Variants in LPAR6 observed in about 807,000 individuals in gnomAD.
LPAR6 encodes lysophosphatidic acid receptor 6.
A neutral mutation model predicts 22.0 loss-of-function variants in LPAR6; 17 were observed. The observed-to-expected ratio is 0.77, with a 90% CI of 0.53 to 1.16. The LOEUF (loss-of-function observed/expected upper bound fraction) is 1.16. LPAR6 is among the 50% of genes most tolerant of loss of function. The pLI is 0.00. For missense variants in LPAR6, 384 were observed against 406.9 expected (o/e 0.94, Z 0.48); for synonymous variants, 136 against 139.8 (o/e 0.97, Z 0.19).
chr13:48,441,673 T>C (rs1378561329), intron 1 of LPAR6, among the ~76,000 whole-genome samples: 1 of 152,190 alleles, frequency 6.6e-6, no homozygotes, highest in Non-Finnish European at 1.5e-5. Flanking sequence ...ATACTGTGTT[T>C]AATCATCAAG....
chr13:48,414,756 T>C (rs1458446880), upstream of LPAR6, among the ~76,000 whole-genome samples: 1 of 152,234 alleles, frequency 6.6e-6, no homozygotes. Flanking sequence ...CTGTCTGGAC[T>C]AGAAAATTCA....
At chr13:48,413,647 T>C (rs1443406126), upstream of LPAR6, among the ~76,000 whole-genome samples, 1 of 152,156 alleles carries the variant, frequency 6.6e-6, no homozygotes, top group Non-Finnish European at 1.5e-5. Flanking sequence ...TTATCCTGGG[T>C]CTCATTAGTT....
intron 1 of LPAR6, among the ~76,000 whole-genome samples, chr13:48,425,829 T>A (rs978522625): frequency 1.3e-5 from 2 of 152,226 alleles, no homozygotes; most frequent in Admixed American, 1.3e-4. Context: ...CCCCACTAAT[T>A]TTCAATGACA....
intron 1 of LPAR6, among the ~76,000 whole-genome samples, chr13:48,443,751 A>G (rs553444928): frequency 2.6e-5 from 4 of 152,140 alleles, no homozygotes; most frequent in Non-Finnish European, 4.4e-5. Flanking sequence ...TAAATTTTCC[A>G]TCTTAGGCAC....
intron 1 of LPAR6, among the ~76,000 whole-genome samples, chr13:48,424,720 A>C (rs1949055017): frequency 6.6e-6 from 1 of 152,066 alleles, no homozygotes; most frequent in East Asian, 1.9e-4. Context: ...CACAGTACTT[A>C]GTTTGCCTTT....
chr13:48,404,565 C>T (rs1433800907), intron 1 of LPAR6, among the ~76,000 whole-genome samples: 1 of 151,722 alleles, frequency 6.6e-6, no homozygotes, highest in African/African-American at 2.4e-5. Context: ...CTCGCTCTGT[C>T]GCCCAGGCTG....
chr13:48,407,030 G>A (rs1234763629), downstream of LPAR6, among the ~76,000 whole-genome samples: 2 of 152,166 alleles, frequency 1.3e-5, no homozygotes, highest in South Asian at 2.1e-4. Context: ...TGACCATCAG[G>A]CCCTTTCTGT....
At chr13:48,415,845 A>G (rs1019457767), upstream of LPAR6, 2 of 152,166 alleles carry the variant, frequency 1.3e-5, no homozygotes, top group Non-Finnish European at 1.5e-5. Flanking sequence ...TGAATACTGC[A>G]TTTTTTCCAG....
intron 1 of LPAR6, among the ~76,000 whole-genome samples, chr13:48,398,961 G>A (rs2804088): frequency 0.9 from 136,111 of 152,050 alleles, 62,253 homozygotes; most frequent in East Asian, 1. Context: ...TATTGGTCTG[G>A]CTTATTCCTC....
chr13:48,420,278 A>G (rs1948985469), intron 2 of LPAR6, among the ~76,000 whole-genome samples: 1 of 152,234 alleles, frequency 6.6e-6, no homozygotes, highest in Non-Finnish European at 1.5e-5. Context: ...AGAACCAAAG[A>G]TAAAAACCAC....
chr13:48,433,540 TAAA>T lies in LPAR6; in HGVS notation c.-1473-9424_-1473-9422del, dbSNP rs576787507. On this transcript the variant is annotated intron_variant, in intron 1 of 6. Coordinates refer to the LPAR6 transcript ENST00000378434. ...AGAATTTCTGCCACTAAATAAGTCT[TAAA>T]TAAGTATGCCACATAGGATAGACTG... Among the ~76,000 whole-genome samples, 16 of 152,290 alleles carry T rather than the reference TAAA, an allele frequency of 1.1e-4. No individual in the cohort carries two copies. The East Asian group carries it at 3.1e-3, about 29-fold the overall frequency.
upstream of LPAR6, among the ~76,000 whole-genome samples, chr13:48,416,891 C>T (rs1948920301): frequency 6.6e-6 from 1 of 152,114 alleles, no homozygotes; most frequent in Non-Finnish European, 1.5e-5. Flanking sequence ...GGCAGGGCAT[C>T]TCTGAAAAAA....
intron 1 of LPAR6, among the ~76,000 whole-genome samples, chr13:48,405,549 C>G (rs530237624): frequency 1.1e-4 from 16 of 152,222 alleles, no homozygotes; most frequent in African/African-American, 3.6e-4. Flanking sequence ...TTAACACAGC[C>G]GCTTTATTCA....
At chr13:48,404,536 G>C (rs1021877286) in intron 1 of LPAR6, among the ~76,000 whole-genome samples, 1 of 149,886 alleles carries the variant, frequency 6.7e-6, no homozygotes, top group African/African-American at 2.4e-5. Context: ...GATACTTTTT[G>C]TTTTTTTTTA....
intron 1 of LPAR6, among the ~76,000 whole-genome samples, chr13:48,436,620 G>T (rs1949186851): frequency 6.6e-6 from 1 of 151,304 alleles, no homozygotes; most frequent in Non-Finnish European, 1.5e-5. Context: ...TCCAGCCTGG[G>T]TGACAAGAGC....
chr13:48,442,051 CCTT>C (rs1949242216), intron 1 of LPAR6, among the ~76,000 whole-genome samples: 2 of 152,276 alleles, frequency 1.3e-5, no homozygotes, highest in African/African-American at 2.4e-5. Context: ...GTAACCCACT[CCTT>C]CTACATCTAC....
chr13:48,437,916 CTT>C (rs1340508588), intron 1 of LPAR6, among the ~76,000 whole-genome samples: 5 of 152,146 alleles, frequency 3.3e-5, no homozygotes, highest in African/African-American at 1.2e-4. Flanking sequence ...ATAGTTATGA[CTT>C]AGTGTCAATT....
chr13:48,393,281 C>G (rs1948624507), intron 1 of LPAR6, among the ~76,000 whole-genome samples: 1 of 152,224 alleles, frequency 6.6e-6, no homozygotes, highest in African/African-American at 2.4e-5. Flanking sequence ...CTCTAGTATT[C>G]TGTCCTGCTA....
intron 1 of LPAR6, among the ~76,000 whole-genome samples, chr13:48,440,690 T>A (rs546461243): frequency 2.0e-5 from 3 of 152,314 alleles, no homozygotes; most frequent in African/African-American, 7.2e-5. Flanking sequence ...AATTTAAAAT[T>A]GTAGTTGCAC....
Sources: allele counts gnomAD v4.1 joint callset (sites outside exome capture counted in the v4.1 genomes callset), GRCh38; gene constraint gnomAD v4.1.1; transcripts MANE v1.5; gene names NCBI Gene and HGNC (gene_info 2026-07-23, HGNC 2026-07-21).